CORO2B: variants seen among roughly 807,000 people sequenced by gnomAD.
CORO2B encodes coronin-2B.
A neutral mutation model predicts 58.8 loss-of-function variants in CORO2B; 26 were observed. The ratio of observed to expected loss-of-function variants is 0.44; its 90% CI spans 0.32 to 0.61. The LOEUF (loss-of-function observed/expected upper bound fraction) is 0.61, where lower values mean the gene tolerates loss of function less well. Ranked by LOEUF, CORO2B falls within the 20% of genes least tolerant of loss-of-function variation. The pLI is 0.04. For missense variants in CORO2B, 460 were observed against 645.1 expected, an observed-to-expected ratio of 0.71 and a Z score of 3.11; for synonymous variants, 242 against 253.8, an observed-to-expected ratio of 0.95 and a Z score of 0.44.
intron 2 of CORO2B, among the ~76,000 whole-genome samples, chr15:68,666,094 T>G (rs1325264926): frequency 6.6e-6 from 1 of 152,232 alleles, no homozygotes; most frequent in Non-Finnish European, 1.5e-5. Flanking sequence ...CTGCAAAGTT[T>G]AAATCATTTA....
At chr15:68,642,132 G>A (rs1901268224) in intron 1 of CORO2B, among the ~76,000 whole-genome samples, 1 of 151,290 alleles carries the variant, frequency 6.6e-6, no homozygotes, top group Admixed American at 6.6e-5. Flanking sequence ...TGCCGTCTGG[G>A]TTCAAGCAAT....
At chr15:68,567,030 T>C in the CORO2B span, among the ~76,000 whole-genome samples, 1 of 152,190 alleles carries the variant, frequency 6.6e-6, no homozygotes. Context: ...TGTGCTTCAG[T>C]TTTCTCATCT....
chr15:68,587,789 C>G (rs988402888), intron 1 of CORO2B, among the ~76,000 whole-genome samples: 2 of 152,168 alleles, frequency 1.3e-5, no homozygotes, highest in Non-Finnish European at 2.9e-5. Flanking sequence ...AATGGAGGTC[C>G]AGGGAAGGAA....
At chr15:68,557,384 A>G in the CORO2B span, among the ~76,000 whole-genome samples, 1 of 152,156 alleles carries the variant, frequency 6.6e-6, no homozygotes, top group African/African-American at 2.4e-5. Flanking sequence ...GCTGAGGTTC[A>G]GTGGCCAATG....
the CORO2B span, among the ~76,000 whole-genome samples, chr15:68,573,554 G>A: frequency 3.6e-3 from 551 of 152,208 alleles, 3 homozygotes; most frequent in African/African-American, 0.013. Flanking sequence ...GTGGGGAGGT[G>A]CAAAGCATGG....
At chr15:68,637,100 A>G (rs965216764) in intron 1 of CORO2B, among the ~76,000 whole-genome samples, 2 of 152,222 alleles carry the variant, frequency 1.3e-5, no homozygotes, top group Non-Finnish European at 2.9e-5. Flanking sequence ...CCACAGATAC[A>G]TGCCTTCACG....
intron 11 of CORO2B, among the ~76,000 whole-genome samples, chr15:68,724,515 AAC>A (rs1423399528): frequency 1.3e-5 from 2 of 152,190 alleles, no homozygotes; most frequent in Admixed American, 6.5e-5. Context: ...AGTTTTGACA[AAC>A]ACACACAGTC....
At chr15:68,658,663 C>T (rs1901910921) in intron 2 of CORO2B, among the ~76,000 whole-genome samples, 1 of 152,240 alleles carries the variant, frequency 6.6e-6, no homozygotes. Flanking sequence ...CCTCCCTGAG[C>T]TTCATTCTTC....
intron 1 of CORO2B, among the ~76,000 whole-genome samples, chr15:68,620,806 A>G (rs1054012426): frequency 2.0e-5 from 3 of 152,182 alleles, no homozygotes; most frequent in Non-Finnish European, 2.9e-5. Flanking sequence ...GACCAGGGCT[A>G]GAAGGTTTCT....
chr15:68,553,039 G>C, the CORO2B span, among the ~76,000 whole-genome samples: 1 of 152,348 alleles, frequency 6.6e-6, no homozygotes, highest in African/African-American at 2.4e-5. Flanking sequence ...CGGAAACATG[G>C]GGCACAAAGG....
the CORO2B span, among the ~76,000 whole-genome samples, chr15:68,546,767 C>A: frequency 6.6e-6 from 1 of 152,282 alleles, no homozygotes; most frequent in South Asian, 2.1e-4. Flanking sequence ...CTTATGATGA[C>A]CTTTTCTTCT....
intron 3 of CORO2B, among the ~76,000 whole-genome samples, chr15:68,706,679 C>T (rs1439274717): frequency 6.6e-6 from 1 of 152,180 alleles, no homozygotes; most frequent in East Asian, 1.9e-4. Context: ...ACAAGGGTAG[C>T]CGGTAGACAT....
At position 68,648,010 on chromosome 15, in the gene CORO2B, G is replaced by A. The variant is rs1486505785; in HGVS notation, c.216+2650G>A. ...TCCCCTGCACTCCACCCTGGGCAAC[G>A]GAGAAAGATCCTGTCTCTCAAAAAA... On this transcript the variant is annotated intron_variant, in intron 2 of 11. Coordinates refer to ENST00000261861, the MANE Select transcript of CORO2B (RefSeq NM_006091.5). Among the ~76,000 whole-genome samples, 10 of 132,090 alleles carry A rather than the reference G, an allele frequency of 7.6e-5. No homozygotes were observed. In the South Asian group the frequency reaches 1.1e-3, roughly 14 times the overall value. The allele number at this position is 132,090 out of a possible 152,430, so 86.7% of individuals were successfully genotyped here.
chr15:68,612,034 G>A (rs573409946), intron 1 of CORO2B, among the ~76,000 whole-genome samples: 24 of 152,276 alleles, frequency 1.6e-4, no homozygotes, highest in African/African-American at 5.5e-4. Context: ...ACTGCCCAAA[G>A]TGCAGAGGCT....
chr15:68,587,259 T>A (rs1399430473), intron 1 of CORO2B, among the ~76,000 whole-genome samples: 2 of 152,136 alleles, frequency 1.3e-5, no homozygotes, highest in Non-Finnish European at 2.9e-5. Context: ...CTGTCCGAGC[T>A]CAGAGAAGGT....
At chr15:68,622,264 C>T (rs564964141) in intron 1 of CORO2B, among the ~76,000 whole-genome samples, 14 of 152,096 alleles carry the variant, frequency 9.2e-5, no homozygotes, top group Non-Finnish European at 1.8e-4. Context: ...TGTGTGGGGG[C>T]ATGGGCATGT....
At chr15:68,708,578 G>T (rs1268882296) in intron 3 of CORO2B, among the ~76,000 whole-genome samples, 2 of 151,744 alleles carry the variant, frequency 1.3e-5, no homozygotes, top group Non-Finnish European at 2.9e-5. Flanking sequence ...TAGCCAGGAT[G>T]GTCTCGATCT....
At chr15:68,518,494 T>G in the CORO2B span, among the ~76,000 whole-genome samples, 1 of 152,148 alleles carries the variant, frequency 6.6e-6, no homozygotes, top group Admixed American at 6.5e-5. Flanking sequence ...ATTTCCATTT[T>G]CAGCCCTTCT....
intron 2 of CORO2B, among the ~76,000 whole-genome samples, chr15:68,674,928 G>A (rs1278643873): frequency 6.6e-6 from 1 of 152,170 alleles, no homozygotes; most frequent in Non-Finnish European, 1.5e-5. Flanking sequence ...TATTTTGAGA[G>A]CAGCAAGGTG....
Sources: allele counts gnomAD v4.1 joint callset (sites outside exome capture counted in the v4.1 genomes callset), GRCh38; gene constraint gnomAD v4.1.1; transcripts MANE v1.5; gene names NCBI Gene and HGNC (gene_info 2026-07-23, HGNC 2026-07-21).